Variants in CASD1 observed in about 807,000 individuals in gnomAD.
CASD1 encodes CAS1 domain sialic acid O acetyltransferase 1.
A neutral mutation model predicts 100.0 loss-of-function variants in CASD1; 41 were observed. The ratio of observed to expected loss-of-function variants is 0.41; its 90% CI spans 0.32 to 0.53. The LOEUF is 0.53. CASD1 is among the 20% of genes least tolerant of loss of function. The probability of loss-of-function intolerance (pLI) is 0.25; values close to 1 mark genes in which losing one functional copy is unlikely to be tolerated. For synonymous variants in CASD1, 321 were observed against 315.6 expected, an observed-to-expected ratio of 1.02 and a Z score of -0.18; for missense variants, 774 against 948.7, an observed-to-expected ratio of 0.82 and a Z score of 2.42.
chr7:94,552,135 C>T (rs1453531122), intron 15 of CASD1: 10 of 497,636 alleles, frequency 2.0e-5, no homozygotes, highest in Admixed American at 8.4e-5. Context: ...AAAGCACAGA[C>T]TTGTGCACCT....
chr7:94,540,100 G>C (rs1354637960), intron 10 of CASD1, among the ~76,000 whole-genome samples: 1 of 152,178 alleles, frequency 6.6e-6, no homozygotes, highest in African/African-American at 2.4e-5. Flanking sequence ...AAAAAAATGT[G>C]TGTTCTGAGT....
the CASD1 span, chr7:94,587,110 T>C: frequency 1.0e-6 from 1 of 984,000 alleles, no homozygotes; most frequent in Non-Finnish European, 1.2e-6. Flanking sequence ...AATAATTTTA[T>C]AAATTAGGTT....
the CASD1 span, chr7:94,600,671 T>C: frequency 2.5e-6 from 4 of 1,613,644 alleles, no homozygotes; most frequent in Admixed American, 1.7e-5. Context: ...CAGCACATGA[T>C]ATAAGCAAGT....
the CASD1 span, chr7:94,600,924 G>T: frequency 3.9e-6 from 5 of 1,279,388 alleles, no homozygotes; most frequent in South Asian, 6.3e-5. Flanking sequence ...TTTAAGATCT[G>T]GATACACTAA....
chr7:94,519,339 C>A (rs944082217), intron 3 of CASD1, among the ~76,000 whole-genome samples: 1 of 151,956 alleles, frequency 6.6e-6, no homozygotes, highest in African/African-American at 2.4e-5. Flanking sequence ...GGGGGAAAGT[C>A]GAACACAAGA....
the CASD1 span, among the ~76,000 whole-genome samples, chr7:94,604,884 G>A: frequency 2.6e-5 from 3 of 116,638 alleles, no homozygotes; most frequent in Non-Finnish European, 3.5e-5. Context: ...TAATGGTGCT[G>A]GAAAAACTGG....
chr7:94,583,746 G>GT, the CASD1 span, among the ~76,000 whole-genome samples: 1 of 152,112 alleles, frequency 6.6e-6, no homozygotes, highest in African/African-American at 2.4e-5. Flanking sequence ...CTGAAAAGGT[G>GT]TTTTAAGTTT....
the CASD1 span, chr7:94,629,452 T>C: frequency 5.7e-6 from 2 of 350,910 alleles, no homozygotes; most frequent in Non-Finnish European, 1.1e-5. Context: ...ATTATTTCCA[T>C]GTGAATATAG....
chr7:94,564,795 A>G, the CASD1 span, among the ~76,000 whole-genome samples: 1 of 152,206 alleles, frequency 6.6e-6, no homozygotes, highest in African/African-American at 2.4e-5. Flanking sequence ...TTTAACAGCA[A>G]CAATCACATT....
At chr7:94,533,125 G>T in intron 5 of CASD1, 80 bp from the exon 6 acceptor site, 1 of 977,116 alleles carries the variant, frequency 1.0e-6, no homozygotes, top group South Asian at 1.7e-5. Flanking sequence ...TACATTTTAA[G>T]GAAAAAAATT....
the CASD1 span, among the ~76,000 whole-genome samples, chr7:94,570,247 G>C: frequency 6.6e-6 from 1 of 152,094 alleles, no homozygotes; most frequent in South Asian, 2.1e-4. Context: ...CTCTTTTCAT[G>C]TTTAGTTGAT....
chr7:94,567,248 TG>T, the CASD1 span, among the ~76,000 whole-genome samples: 1 of 152,200 alleles, frequency 6.6e-6, no homozygotes, highest in South Asian at 2.1e-4. Context: ...ATGTATTTTT[TG>T]TTGACTGCTC....
At chr7:94,529,794 G>A (rs558456120) in intron 5 of CASD1, among the ~76,000 whole-genome samples, 30 of 152,150 alleles carry the variant, frequency 2.0e-4, no homozygotes, top group Non-Finnish European at 2.8e-4. Flanking sequence ...AAGTACCATG[G>A]ATAGACACTT....
intron 14 of CASD1, among the ~76,000 whole-genome samples, chr7:94,550,451 G>A (rs528228574): frequency 7.9e-5 from 12 of 152,158 alleles, no homozygotes; most frequent in Admixed American, 6.5e-4. Context: ...TCTCATTAGA[G>A]CAGTGTATTA....
At chr7:94,591,768 TCA>T in the CASD1 span, among the ~76,000 whole-genome samples, 1 of 151,798 alleles carries the variant, frequency 6.6e-6, no homozygotes, top group Non-Finnish European at 1.5e-5. Flanking sequence ...ACTTTCTAAA[TCA>T]CAATGGGCTG....
the CASD1 span, chr7:94,585,515 C>T: frequency 6.2e-7 from 1 of 1,604,090 alleles, no homozygotes; most frequent in South Asian, 1.1e-5. Context: ...ATACCATTTA[C>T]CTGCAATGTG....
the CASD1 span, chr7:94,617,660 A>G: frequency 1.3e-5 from 2 of 152,290 alleles, 1 homozygote; most frequent in African/African-American, 4.8e-5. Flanking sequence ...TAAAGCAACC[A>G]TTTTCCTCAA....
At chr7:94,543,281 C>T (rs1795506195) in intron 10 of CASD1, among the ~76,000 whole-genome samples, 1 of 152,190 alleles carries the variant, frequency 6.6e-6, no homozygotes, top group Admixed American at 6.5e-5. Context: ...AAGATGCATA[C>T]ATTTCAGGAC....
the CASD1 span, chr7:94,588,321 T>C: frequency 6.5e-6 from 7 of 1,076,454 alleles, no homozygotes; most frequent in African/African-American, 6.7e-5. Context: ...GTAAGAGAGC[T>C]TGAAACTTCA....
Sources: allele counts gnomAD v4.1 joint callset (sites outside exome capture counted in the v4.1 genomes callset), GRCh38; gene constraint gnomAD v4.1.1; transcripts MANE v1.5; gene names NCBI Gene and HGNC (gene_info 2026-07-23, HGNC 2026-07-21).